Variants in ANKRD13C observed in about 807,000 individuals in gnomAD.
The protein encoded by ANKRD13C is ankyrin repeat domain 13C.
In ANKRD13C, 16 loss-of-function variants were observed where a neutral mutation model predicts 65.5. The ratio of observed to expected loss-of-function variants is 0.24; its 90% CI spans 0.17 to 0.37. ANKRD13C has a LOEUF of 0.37. ANKRD13C is among the 10% of genes least tolerant of loss of function. ANKRD13C has a pLI of 1.00. For missense variants in ANKRD13C, 503 were observed against 655.9 expected (o/e 0.77, Z 2.55); for synonymous variants, 235 against 238.7 (o/e 0.98, Z 0.14).
chr1:70,309,732 A>AAATAATAAT (rs779462109), intron 5 of ANKRD13C, among the ~76,000 whole-genome samples: 2 of 107,088 alleles, frequency 1.9e-5, no homozygotes, highest in African/African-American at 6.8e-5. Flanking sequence ...AAAAAAAAAA[A>AAATAATAAT]AATAATAATA....
intron 9 of ANKRD13C, among the ~76,000 whole-genome samples, chr1:70,291,625 T>G (rs1279556334): frequency 6.6e-6 from 1 of 152,116 alleles, no homozygotes; most frequent in Non-Finnish European, 1.5e-5. Flanking sequence ...AGATGGATCT[T>G]TAGCTGGGCC....
At chr1:70,290,436 C>T (rs1254067081) in intron 9 of ANKRD13C, among the ~76,000 whole-genome samples, 1 of 152,126 alleles carries the variant, frequency 6.6e-6, no homozygotes, top group Admixed American at 6.5e-5. Context: ...TACAATCCGG[C>T]ACTCACACAT....
At chr1:70,342,256 C>A (rs1287680116) in intron 1 of ANKRD13C, among the ~76,000 whole-genome samples, 2 of 151,946 alleles carry the variant, frequency 1.3e-5, no homozygotes, top group Non-Finnish European at 2.9e-5. Flanking sequence ...AAAGAAGAGA[C>A]AGGCCTGGAG....
At chr1:70,318,486 G>C (rs1490374884) in intron 3 of ANKRD13C, among the ~76,000 whole-genome samples, 2 of 151,982 alleles carry the variant, frequency 1.3e-5, no homozygotes, top group African/African-American at 4.8e-5. Flanking sequence ...AATTCTACCT[G>C]ATGTACTACA....
intron 9 of ANKRD13C, among the ~76,000 whole-genome samples, chr1:70,288,368 T>C (rs550962163): frequency 1.3e-5 from 2 of 152,320 alleles, no homozygotes; most frequent in East Asian, 1.9e-4. Context: ...CCATATGACA[T>C]AGAAACTGCA....
At position 70,274,704 on chromosome 1, in the gene ANKRD13C, T is replaced by C. The variant is rs986945906; in HGVS notation, c.1394+16A>G. ...TAGTTTCTTTCATAAACATTTGTAG[T>C]TAGTAACAAACTTACAACTCTATCC... On this transcript the variant is annotated intron_variant, in intron 11 of 12. Transcript: ENST00000370944. 2.6e-6 allele frequency: 4 copies of C among 1,551,754 alleles called. No individual in the cohort carries two copies. Among genetic ancestry groups the C allele is most frequent in the African/African-American group, 2.7e-5 (2 of 73,550 alleles).
chr1:70,324,524 A>C (rs753855086), intron 3 of ANKRD13C, among the ~76,000 whole-genome samples: 2 of 152,216 alleles, frequency 1.3e-5, no homozygotes, highest in African/African-American at 2.4e-5. Flanking sequence ...AATGGCCTAT[A>C]TAATTAAGCA....
chr1:70,312,174 T>C (rs1195493164), intron 5 of ANKRD13C, among the ~76,000 whole-genome samples: 1 of 152,178 alleles, frequency 6.6e-6, no homozygotes, highest in Non-Finnish European at 1.5e-5. Flanking sequence ...TCCTAGGCAT[T>C]TTACTGCTAT....
chr1:70,271,260 G>T (rs1195871883), intron 11 of ANKRD13C, among the ~76,000 whole-genome samples: 1 of 152,132 alleles, frequency 6.6e-6, no homozygotes, highest in Non-Finnish European at 1.5e-5. Context: ...TGTGTAAAAG[G>T]CTCTTATGTG....
intron 11 of ANKRD13C, among the ~76,000 whole-genome samples, chr1:70,274,295 G>A (rs1164937332): frequency 4.0e-5 from 6 of 151,408 alleles, no homozygotes; most frequent in South Asian, 2.1e-4. Flanking sequence ...CCAACATGGC[G>A]AAACCTCATC....
chr1:70,289,160 G>T (rs951189360), intron 9 of ANKRD13C, among the ~76,000 whole-genome samples: 11 of 152,136 alleles, frequency 7.2e-5, no homozygotes, highest in African/African-American at 2.4e-4. Context: ...TTTCTGATTA[G>T]AAGTTGAAAG....
chr1:70,330,533 GGGTGACA>G (rs1230099326), intron 2 of ANKRD13C, among the ~76,000 whole-genome samples: 1 of 148,702 alleles, frequency 6.7e-6, no homozygotes, highest in Non-Finnish European at 1.5e-5. Flanking sequence ...ACTCCAGGCT[GGGTGACA>G]GAGTGAGCCT....
intron 1 of ANKRD13C, among the ~76,000 whole-genome samples, chr1:70,351,363 C>T (rs549414062): frequency 6.6e-6 from 1 of 152,220 alleles, no homozygotes; most frequent in East Asian, 1.9e-4. Flanking sequence ...TATGTTAAAG[C>T]AATCCAAAGA....
rs1276655554 is a variant in ANKRD13C at position 70,259,956 on chromosome 1, T to C, written c.*2761A>G. On this transcript the variant is annotated 3_prime_UTR_variant, in exon 13 of 13. Transcript: ENST00000370944. ...TTTCATGGCCTGGAAACAGGATCTT[T>C]GTCTTCTGCAGACTTAGGGAAAACT... 6.6e-6 allele frequency among the ~76,000 whole-genome samples: 1 copy of C among 152,162 alleles called. No individual in the cohort carries two copies. Among genetic ancestry groups the C allele is most frequent in the Non-Finnish European group, 1.5e-5 (1 of 67,998 alleles).
intron 9 of ANKRD13C, among the ~76,000 whole-genome samples, chr1:70,282,739 A>G (rs144946209): frequency 3.2e-4 from 49 of 152,350 alleles, no homozygotes; most frequent in Middle Eastern, 3.4e-3. Context: ...GCAGAGAGAC[A>G]TGCGTTTAAT....
intron 1 of ANKRD13C, among the ~76,000 whole-genome samples, chr1:70,343,356 T>C (rs57527753): frequency 6.6e-6 from 1 of 152,348 alleles, no homozygotes; most frequent in East Asian, 1.9e-4. Flanking sequence ...GTTTTCTATG[T>C]CCTCAACCTG....
intron 1 of ANKRD13C, among the ~76,000 whole-genome samples, chr1:70,342,997 G>A (rs1159979362): frequency 6.6e-6 from 1 of 152,106 alleles, no homozygotes; most frequent in Non-Finnish European, 1.5e-5. Context: ...ATTATCCTTT[G>A]TTTTCTTAAC....
At chr1:70,328,191 G>A (rs1170127378) in intron 2 of ANKRD13C, among the ~76,000 whole-genome samples, 1 of 151,888 alleles carries the variant, frequency 6.6e-6, no homozygotes, top group Non-Finnish European at 1.5e-5. Context: ...TCAATTTTGG[G>A]GGTATATTTA....
At chr1:70,309,945 CA>C (rs1275360106) in intron 5 of ANKRD13C, among the ~76,000 whole-genome samples, 1 of 151,750 alleles carries the variant, frequency 6.6e-6, no homozygotes. Context: ...TCATATACAC[CA>C]AAAGAAAGTT....
Sources: gnomAD v4.1 joint callset for allele counts (sites outside exome capture counted in the v4.1 genomes callset) on GRCh38, gnomAD v4.1.1 for gene constraint, MANE v1.5 for transcripts, NCBI Gene and HGNC (gene_info 2026-07-23, HGNC 2026-07-21) for gene names.